The following ROBO1 variants were observed in gnomAD, a reference collection of about 807,000 sequenced individuals.
ROBO1 encodes the protein roundabout homolog 1.
In ROBO1, 149 loss-of-function variants were observed where a neutral mutation model predicts 195.9. That is an observed-to-expected ratio of 0.76 (90% CI 0.67 to 0.87). ROBO1 has a LOEUF of 0.87. Ranked by LOEUF, ROBO1 falls within the 40% of genes least tolerant of loss-of-function variation. ROBO1 has a pLI of 0.00. For synonymous variants in ROBO1, 816 were observed against 733.2 expected, an observed-to-expected ratio of 1.11 and a Z score of -1.82; for missense variants, 1,933 against 2,068.3, an observed-to-expected ratio of 0.93 and a Z score of 1.27.
At chr3:79,365,081 T>C (rs1270533885) in intron 2 of ROBO1, among the ~76,000 whole-genome samples, 1 of 152,168 alleles carries the variant, frequency 6.6e-6, no homozygotes, top group Non-Finnish European at 1.5e-5. Context: ...TCCAAACATA[T>C]TTGTACGTGA....
intron 8 of ROBO1, chr3:78,693,320 G>A (rs1392312994): frequency 3.2e-6 from 5 of 1,550,224 alleles, no homozygotes; most frequent in Non-Finnish European, 4.4e-6. Context: ...ACGGTGATGA[G>A]AAGATGGCCA....
intron 2 of ROBO1, among the ~76,000 whole-genome samples, chr3:79,401,946 A>T (rs1056184760): frequency 2.0e-5 from 3 of 151,932 alleles, no homozygotes; most frequent in Non-Finnish European, 4.4e-5. Flanking sequence ...ACAATACTTC[A>T]TGGTTACACG....
intron 4 of ROBO1, among the ~76,000 whole-genome samples, chr3:78,924,542 AC>A (rs2039107220): frequency 6.6e-6 from 1 of 152,112 alleles, no homozygotes; most frequent in Non-Finnish European, 1.5e-5. Context: ...ACACTGAAAA[AC>A]AAAAAAGAGC....
intron 2 of ROBO1, among the ~76,000 whole-genome samples, chr3:79,467,218 T>A (rs978163973): frequency 6.6e-6 from 1 of 152,056 alleles, no homozygotes; most frequent in Admixed American, 6.6e-5. Context: ...TTGGCCTGAA[T>A]AATGTACATT....
chr3:78,989,066 G>A (rs2077175846), intron 3 of ROBO1, among the ~76,000 whole-genome samples: 1 of 152,112 alleles, frequency 6.6e-6, no homozygotes, highest in Admixed American at 6.6e-5. Flanking sequence ...TAGATAGGAG[G>A]AATAAGTTCT....
At chr3:78,773,724 T>G (rs529717634) in intron 4 of ROBO1, among the ~76,000 whole-genome samples, 1 of 152,312 alleles carries the variant, frequency 6.6e-6, no homozygotes, top group African/African-American at 2.4e-5. Flanking sequence ...TCATCCTTTT[T>G]CATTGATTCC....
chr3:79,432,215 A>G (rs1009370864), intron 2 of ROBO1, among the ~76,000 whole-genome samples: 19 of 152,130 alleles, frequency 1.2e-4, no homozygotes, highest in African/African-American at 4.3e-4. Context: ...GGCATCTCTT[A>G]GAGTGTCAAG....
chr3:78,635,568 T>C (rs1267749986), intron 23 of ROBO1, among the ~76,000 whole-genome samples: 2 of 152,190 alleles, frequency 1.3e-5, no homozygotes, highest in Non-Finnish European at 2.9e-5. Flanking sequence ...AAAATACTTA[T>C]ATATTATTAT....
rs577504794 is a variant in ROBO1 at position 79,245,188 on chromosome 3, T to C, written c.89-119649A>G. On this transcript the variant is annotated intron_variant, in intron 2 of 30. Transcript: ENST00000464233. ...GTCTGTTGTTCTTCAGTAAGAAACG[T>C]TGGTTTTAAACTCATTCATCTGGAC... is the stretch of plus-strand genomic sequence containing the variant. Among the ~76,000 whole-genome samples, 11 of 152,224 alleles carry C rather than the reference T, an allele frequency of 7.2e-5. No homozygotes were observed. The South Asian group carries it at 2.3e-3, about 32-fold the overall frequency.
chr3:79,737,541 TCTTAA>T (rs1245215847), intron 1 of ROBO1, among the ~76,000 whole-genome samples: 2 of 152,114 alleles, frequency 1.3e-5, no homozygotes, highest in Admixed American at 6.6e-5. Flanking sequence ...TTTCTCTAAA[TCTTAA>T]CTTATATCAG....
intron 2 of ROBO1, among the ~76,000 whole-genome samples, chr3:79,169,749 G>A (rs2081133976): frequency 6.6e-6 from 1 of 151,984 alleles, no homozygotes. Context: ...TAAGTGACTG[G>A]TGAAAAATAA....
chr3:79,186,274 G>A (rs1319014496), intron 2 of ROBO1, among the ~76,000 whole-genome samples: 2 of 143,254 alleles, frequency 1.4e-5, no homozygotes, highest in Non-Finnish European at 3.0e-5. Flanking sequence ...CAATGAATCC[G>A]GTTCTTCCTG....
At position 78,627,500 on chromosome 3, in the gene ROBO1, C is replaced by T. The variant is rs1559664539; in HGVS notation, c.3696G>A (p.Glu1232=). The change falls in exon 26 of 31, where the codon GAG becomes GAA. Residue 1232 remains glutamate (E), a synonymous_variant. Transcript: ENST00000464233. Reference sequence around the variant, plus strand: ...GAGTGGGGCCTCGTTCATCTTCCTCCTCTTCTAATTCATCTTGTTGCAAAT... The same window carrying T: ...GAGTGGGGCCTCGTTCATCTTCCTCTTCTTCTAATTCATCTTGTTGCAAAT... ...RMYLQQDELE[E]EEDERGPTPP... 1 of 1,613,376 alleles carries T rather than the reference C, an allele frequency of 6.2e-7. No homozygotes were observed. Among genetic ancestry groups the T allele is most frequent in the Admixed American group, 1.7e-5 (1 of 59,962 alleles).
rs1553721942 is a variant in ROBO1, at chr3:79,334,311, A to ATATAT, written c.89-208773_89-208772insATATA. Among the ~76,000 whole-genome samples the ATATAT allele has an allele frequency of 3.7e-3, 489 of 131,698 alleles. 4 individuals carry two copies. Among genetic ancestry groups the ATATAT allele is most frequent in the African/African-American group, 0.013 (452 of 34,768 alleles). The allele number at this position is 131,698 out of a possible 152,430, so 86.4% of individuals were successfully genotyped here. A position where few individuals can be genotyped will look rare whatever the true frequency, so the allele number is the denominator to read the frequency against. ...AGTGAGACTCTGTCTAAAAAAAAAAAATATATATATATATATATATGTGTA... is the reference window on the plus strand; with the variant it reads ...AGTGAGACTCTGTCTAAAAAAAAAAATATATATATATATATATATATATATGTGTA... On this transcript the variant is annotated intron_variant, in intron 2 of 30. Transcript: ENST00000464233.
At position 78,912,690 on chromosome 3, in the gene ROBO1, T is replaced by C. The variant is rs572794602; in HGVS notation, c.499+25911A>G. 1.1e-4 allele frequency among the ~76,000 whole-genome samples: 16 copies of C among 152,246 alleles called. No homozygotes were observed. In the South Asian group the frequency reaches 3.3e-3, roughly 32 times the overall value. ...AAATAGTGAAGCATCCATGTGCAAA[T>C]AGAAAACTGTGAGTTTATTTTCAAA... On this transcript the variant is annotated intron_variant, in intron 4 of 30. Transcript: ENST00000464233.
intron 3 of ROBO1, among the ~76,000 whole-genome samples, chr3:79,113,732 A>T (rs1039864804): frequency 6.6e-6 from 1 of 151,964 alleles, no homozygotes; most frequent in Non-Finnish European, 1.5e-5. Context: ...CTGCCATTAC[A>T]CTCCAGCCTG....
intron 3 of ROBO1, among the ~76,000 whole-genome samples, chr3:78,940,819 T>C (rs1272321299): frequency 1.3e-5 from 2 of 152,220 alleles, no homozygotes; most frequent in African/African-American, 4.8e-5. Context: ...GGTATTTCCC[T>C]TATGCTTGGC....
chr3:78,673,605 T>TATATATATATATATATATAC (rs779997525), intron 10 of ROBO1, among the ~76,000 whole-genome samples: 1 of 53,286 alleles, frequency 1.9e-5, no homozygotes, highest in Non-Finnish European at 3.5e-5. Context: ...TATATATATA[T>TATATATATATATATATATAC]ACACACATAT....
Position 78,990,340 on chromosome 3 carries a change from G to A in ROBO1, c.173-51413C>T, listed in dbSNP as rs187126718. ...AGCATTTAAACAGGAGAGCTGTGGAGTGTCCCTGCCAAAAGTTTGCCACCC... is the reference window on the plus strand; with the variant it reads ...AGCATTTAAACAGGAGAGCTGTGGAATGTCCCTGCCAAAAGTTTGCCACCC... On this transcript the variant is annotated intron_variant, in intron 3 of 30. Transcript: ENST00000464233. Among the ~76,000 whole-genome samples, 227 of 152,272 alleles carry A rather than the reference G, an allele frequency of 1.5e-3. 1 individual carries two copies. The highest frequency in any genetic ancestry group is 5.2e-3 in the African/African-American group (215 of 41,558).
Sources: gnomAD v4.1 joint callset for allele counts (sites outside exome capture counted in the v4.1 genomes callset) on GRCh38, gnomAD v4.1.1 for gene constraint, MANE v1.5 for transcripts, NCBI Gene and HGNC (gene_info 2026-07-23, HGNC 2026-07-21) for gene names.